RDH10: variants seen among roughly 807,000 people sequenced by gnomAD.
RDH10 encodes the protein retinol dehydrogenase 10.
A neutral mutation model predicts 30.2 loss-of-function variants in RDH10; 12 were observed. The ratio of observed to expected loss-of-function variants is 0.40; its 90% CI spans 0.25 to 0.64. RDH10 has a LOEUF of 0.64. Among genes scored for constraint, RDH10 ranks in the 30% least tolerant of loss-of-function variants. The probability of loss-of-function intolerance (pLI) is 0.43; values close to 1 mark genes in which losing one functional copy is unlikely to be tolerated. For missense variants in RDH10, 268 were observed against 445.2 expected (o/e 0.60, Z 3.58); for synonymous variants, 189 against 172.2 (o/e 1.10, Z -0.76).
rs570153698 is a variant in RDH10 at position 73,308,267 on chromosome 8, TATATA to T, written c.526-10824_526-10820del. ...ACAAAATGTAAAACCTTTATTCTGT[TATATA>T]ATATTCTTATGGGATCAGAATTCCA... On this transcript the variant is annotated intron_variant, in intron 2 of 5. Coordinates refer to ENST00000240285, the MANE Select transcript of RDH10 (RefSeq NM_172037.5). 1.9e-3 allele frequency among the ~76,000 whole-genome samples: 286 copies of T among 152,338 alleles called. 2 individuals are homozygous for T. Among genetic ancestry groups the T allele is most frequent in the Admixed American group, 0.018 (271 of 15,300 alleles).
At chr8:73,322,468 CT>C in intron 4 of RDH10, 16 of 485,916 alleles carry the variant, frequency 3.3e-5, no homozygotes, top group Non-Finnish European at 4.7e-5. Context: ...ACCAATTTTG[CT>C]TTTTTTTCCC....
chr8:73,321,027 G>A lies in RDH10; in HGVS notation c.720G>A (p.Leu240=). Residue 240 remains leucine (L), a synonymous_variant, in exon 4 of 6, where the codon TTG becomes TTA. Transcript: ENST00000240285. ...AAEKDGIKTT[L]VCPYLVDTGM... is the part of the protein sequence containing the mutation. ...AAAAGGATGGAATTAAAACAACCTT[G>A]GTTTGCCCTTATCTTGTAGACACTG... The A allele has an allele frequency of 1.9e-6, 3 of 1,614,076 alleles. No individual in the cohort carries two copies. The South Asian group carries it at 3.3e-5, about 18-fold the overall frequency.
chr8:73,305,553 A>G (rs1286847760), intron 2 of RDH10, among the ~76,000 whole-genome samples: 1 of 152,228 alleles, frequency 6.6e-6, no homozygotes, highest in Non-Finnish European at 1.5e-5. Flanking sequence ...AAATGTGCAG[A>G]TGACATGCTA....
chr8:73,309,610 C>CTTTTTTTT (rs5892406), intron 2 of RDH10, among the ~76,000 whole-genome samples: 1 of 120,554 alleles, frequency 8.3e-6, no homozygotes, highest in Non-Finnish European at 1.8e-5. Flanking sequence ...AAGTTGTTGC[C>CTTTTTTTT]TTTTTTTTTT....
At chr8:73,295,710 G>C (rs1452248334) in intron 1 of RDH10, 132 bp downstream of exon 1, 1 of 1,023,302 alleles carries the variant, frequency 9.8e-7, no homozygotes, top group Non-Finnish European at 1.3e-6. Flanking sequence ...CCGGTCTTTT[G>C]GGAGACGAGT....
chr8:73,317,674 A>C (rs1301990045), intron 2 of RDH10, among the ~76,000 whole-genome samples: 2 of 152,176 alleles, frequency 1.3e-5, no homozygotes, highest in Non-Finnish European at 2.9e-5. Flanking sequence ...TAATCCCAGC[A>C]CTTTAGGAGG....
rs1447888735 is a variant in RDH10, at chr8:73,322,901, TC to T, written c.903-9del. 1 of 1,614,102 alleles carries T rather than the reference TC, an allele frequency of 6.2e-7. No homozygotes were observed. The highest frequency in any genetic ancestry group is 2.2e-5 in the East Asian group (1 of 44,878). ...TTCAAGTTTGCTAACAGCTGTGACT[TC>T]CCTTTTTCAGCATCCTACCATTTGA... is the stretch of plus-strand genomic sequence containing the variant. On this transcript the variant is annotated splice_polypyrimidine_tract_variant and intron_variant, in intron 5 of 5. Coordinates refer to ENST00000240285, the MANE Select transcript of RDH10 (RefSeq NM_172037.5).
chr8:73,318,103 G>T (rs913575617), intron 2 of RDH10, among the ~76,000 whole-genome samples: 5 of 152,186 alleles, frequency 3.3e-5, no homozygotes, highest in Non-Finnish European at 7.3e-5. Flanking sequence ...GCTGGCAGTA[G>T]GAGATAACTC....
intron 2 of RDH10, 57 bp from the exon 3 acceptor site, chr8:73,319,039 G>A: frequency 8.7e-7 from 1 of 1,151,194 alleles, no homozygotes. Context: ...TCCTGGACTG[G>A]GTTTTAGATG....
At position 73,295,166 on chromosome 8, in the gene RDH10, C is replaced by T; in HGVS notation, c.-124C>T. On this transcript the variant is annotated 5_prime_UTR_variant, in exon 1 of 6. Transcript: ENST00000240285. ...ACCCGGCGGGCACCTCGGGGGCGGG[C>T]GCGGGGCGCAGCCTTCTCGTCCCGG... is the stretch of plus-strand genomic sequence containing the variant. 4.2e-6 allele frequency: 4 copies of T among 948,552 alleles called. No individual in the cohort carries two copies. In the South Asian group the frequency reaches 8.3e-5, roughly 20 times the overall value. 58.8% of individuals were successfully genotyped at this position (948,552 alleles called of 1,614,324 possible).
At chr8:73,308,203 G>C (rs537675737) in intron 2 of RDH10, among the ~76,000 whole-genome samples, 1 of 152,292 alleles carries the variant, frequency 6.6e-6, no homozygotes, top group East Asian at 1.9e-4. Context: ...TCAGTTAAGT[G>C]TGGTTTTAGT....
chr8:73,321,708 C>T, intron 4 of RDH10: 1 of 423,960 alleles, frequency 2.4e-6, no homozygotes, highest in Non-Finnish European at 4.8e-6. Flanking sequence ...AACTGTGAAT[C>T]ATTAAGAGGA....
intron 2 of RDH10, among the ~76,000 whole-genome samples, chr8:73,304,912 T>C (rs1814441293): frequency 6.6e-6 from 1 of 152,252 alleles, no homozygotes; most frequent in Non-Finnish European, 1.5e-5. Context: ...CCTTTCTTGT[T>C]TGATCATGGA....
rs953821312 is a variant in RDH10 at position 73,294,828 on chromosome 8, C to T, written c.-462C>T. 3 of 383,654 alleles carry T rather than the reference C, an allele frequency of 7.8e-6. No homozygotes were observed. The highest frequency in any genetic ancestry group is 2.1e-5 in the African/African-American group (1 of 47,868). The allele number at this position is 383,654 out of a possible 1,614,324, so 23.8% of individuals were successfully genotyped here. A position where few individuals can be genotyped will look rare whatever the true frequency, so the allele number is the denominator to read the frequency against. On this transcript the variant is annotated 5_prime_UTR_variant, in exon 1 of 6. Transcript: ENST00000240285. ...GCAACTTGGGTCGAGTTGACAACTC[C>T]CGCGGCAGCCCGCTGGCCCGTGCCG...
At chr8:73,296,039 A>T (rs1814259976) in intron 1 of RDH10, among the ~76,000 whole-genome samples, 1 of 152,332 alleles carries the variant, frequency 6.6e-6, no homozygotes, top group East Asian at 1.9e-4. Context: ...TTTCATTATA[A>T]GTTTAGCCTG....
At chr8:73,300,456 T>A (rs1038473182) in intron 2 of RDH10, 47 of 152,346 alleles carry the variant, frequency 3.1e-4, no homozygotes, top group African/African-American at 1.1e-3. Context: ...TGAGTGTGTC[T>A]TTTTACTGTA....
intron 2 of RDH10, among the ~76,000 whole-genome samples, chr8:73,304,150 C>T (rs1044617157): frequency 1.3e-5 from 2 of 152,198 alleles, no homozygotes; most frequent in Non-Finnish European, 2.9e-5. Context: ...TCTCTGTCTG[C>T]CTTCAACTAC....
Position 73,295,302 on chromosome 8 carries a change from G to C in RDH10, c.13G>C (p.Val5Leu), listed in dbSNP as rs769369174. The C allele has an allele frequency of 7.0e-6, 11 of 1,565,830 alleles. No individual in the cohort carries two copies. The Admixed American group carries it at 1.5e-4, about 21-fold the overall frequency. Residue 5 changes from valine (V) to leucine (L), a missense_variant, in exon 1 of 6, where the codon GTG becomes CTG. Physicochemically the swap from Val to Leu is conservative, Grantham distance 32. This residue lies in a region of RDH10 where 44 missense variants were observed against 42.1 expected (regional missense o/e 1.04). Transcript: ENST00000240285. ...CCCGGGCGTCGCGATGAACATCGTG[G>C]TGGAGTTCTTCGTGGTCACTTTCAA... is the stretch of plus-strand genomic sequence containing the variant. MNIV[V>L]EFFVVTFKVL...
intron 2 of RDH10, among the ~76,000 whole-genome samples, chr8:73,301,168 A>G (rs1381160062): frequency 6.9e-6 from 1 of 144,398 alleles, no homozygotes; most frequent in African/African-American, 2.6e-5. Flanking sequence ...CTCCTGCCTC[A>G]GCCTCCCGAG....
Sources: gnomAD v4.1 joint callset for allele counts (sites outside exome capture counted in the v4.1 genomes callset) on GRCh38, gnomAD v4.1.1 for gene constraint, gnomAD v4.1.1 regional missense constraint, MANE v1.5 for transcripts, NCBI Gene and HGNC (gene_info 2026-07-23, HGNC 2026-07-21) for gene names.